Variants in F11R observed in about 807,000 individuals in gnomAD.
F11R encodes the protein F11 receptor.
Under a neutral mutation model 39.3 loss-of-function variants are expected in F11R, and 27 were observed. The observed-to-expected ratio is 0.69, with a 90% CI of 0.51 to 0.95. F11R has a LOEUF of 0.95. Ranked by LOEUF, F11R falls within the 40% of genes least tolerant of loss-of-function variation. The pLI, the probability that F11R is intolerant of heterozygous loss-of-function variation, is 0.00. For synonymous variants in F11R, 131 were observed against 144.9 expected, an observed-to-expected ratio of 0.90 and a Z score of 0.69; for missense variants, 335 against 372.7, an observed-to-expected ratio of 0.90 and a Z score of 0.83.
At chr1:161,003,936 G>A (rs1168937233) in intron 1 of F11R, among the ~76,000 whole-genome samples, 2 of 151,674 alleles carry the variant, frequency 1.3e-5, no homozygotes, top group Non-Finnish European at 2.9e-5. Flanking sequence ...GGCTAATTTT[G>A]TATTTTTAGT....
chr1:161,011,216 A>G (rs1292866312), intron 1 of F11R, among the ~76,000 whole-genome samples: 13 of 151,764 alleles, frequency 8.6e-5, no homozygotes, highest in Admixed American at 7.9e-4. Context: ...TACTTTTGAT[A>G]GACACGGGGT....
rs148690132 is a variant in F11R at position 161,009,211 on chromosome 1, T to C, written c.65-7858A>G. Among the ~76,000 whole-genome samples, 662 of 152,280 alleles carry C rather than the reference T, an allele frequency of 4.3e-3. 4 individuals carry two copies. Among genetic ancestry groups the C allele is most frequent in the African/African-American group, 0.015 (634 of 41,558 alleles). ...CCTCCCACATGCCCAGTCCTCACCA[T>C]AGCCTCACCTAAGCCTCTTTCCTAG... On this transcript the variant is annotated intron_variant, in intron 1 of 9. Coordinates refer to ENST00000368026, the MANE Select transcript of F11R (RefSeq NM_016946.6).
intron 1 of F11R, among the ~76,000 whole-genome samples, chr1:161,004,283 G>C (rs1459787181): frequency 1.3e-5 from 2 of 152,090 alleles, no homozygotes; most frequent in Non-Finnish European, 2.9e-5. Context: ...GTATAGGCTG[G>C]GCACGGTAGG....
In F11R at chr1:161,000,644, CT is replaced by C; in HGVS notation, c.374del (p.Lys125SerfsTer27). On this transcript the variant is annotated frameshift_variant, in exon 4 of 10. Coordinates refer to ENST00000368026, the MANE Select transcript of F11R (RefSeq NM_016946.6). LOFTEE classifies it high-confidence loss of function. ...TGGGGCACGTACCAAGCACGATGAG[CT>C]TGACCTTGACCTCCCCATAGCTGTT... is the stretch of plus-strand genomic sequence containing the variant. ...GGNSYGEVKVKLIVLVPPSKP... is the reference protein window; with the variant it reads ...GGNSYGEVKVXLIVLVPPSKP... The C allele has an allele frequency of 1.2e-6, 2 of 1,614,180 alleles. No homozygotes were observed. Among genetic ancestry groups the C allele is most frequent in the Non-Finnish European group, 8.5e-7 (1 of 1,180,022 alleles).
intron 1 of F11R, among the ~76,000 whole-genome samples, chr1:161,006,148 G>T (rs899027434): frequency 1.2e-4 from 18 of 147,354 alleles, no homozygotes; most frequent in African/African-American, 3.6e-4. Flanking sequence ...AAAAAAAAAA[G>T]GGGGGGGGCA....
At chr1:161,020,765 A>G (rs1309472189) in intron 1 of F11R, among the ~76,000 whole-genome samples, 4 of 152,154 alleles carry the variant, frequency 2.6e-5, no homozygotes, top group Admixed American at 2.0e-4. Context: ...CAGATGGGTC[A>G]GCTCCCTCCT....
chr1:160,999,792 C>A (rs201801022), intron 6 of F11R, 45 bp from the exon 7 acceptor site: 2 of 1,606,678 alleles, frequency 1.2e-6, no homozygotes, highest in African/African-American at 2.7e-5. Flanking sequence ...TACTCACTCA[C>A]GGCACCTACA....
At chr1:161,007,001 T>G (rs1018734770) in intron 1 of F11R, among the ~76,000 whole-genome samples, 1 of 151,850 alleles carries the variant, frequency 6.6e-6, no homozygotes, top group Non-Finnish European at 1.5e-5. Context: ...CCGTCTCTAC[T>G]AAAAAATATA....
chr1:161,013,972 G>T (rs749417226), intron 1 of F11R, among the ~76,000 whole-genome samples: 1 of 152,170 alleles, frequency 6.6e-6, no homozygotes, highest in East Asian at 1.9e-4. Context: ...AACAAATGAC[G>T]CAGCCGGACT....
At chr1:161,017,297 G>T (rs1649518649) in intron 1 of F11R, among the ~76,000 whole-genome samples, 1 of 152,132 alleles carries the variant, frequency 6.6e-6, no homozygotes, top group South Asian at 2.1e-4. Context: ...AGGAAGGCAT[G>T]CCTCTTGCAG....
At chr1:161,012,356 C>T (rs936601314) in intron 1 of F11R, among the ~76,000 whole-genome samples, 21 of 152,126 alleles carry the variant, frequency 1.4e-4, no homozygotes, top group Non-Finnish European at 2.6e-4. Context: ...GGCTTATAAT[C>T]GCAGCATTTT....
chr1:161,003,903 T>G (rs2990706), intron 1 of F11R, among the ~76,000 whole-genome samples: 123,913 of 151,794 alleles, frequency 0.82, 50,819 homozygotes, highest in African/African-American at 0.88. Flanking sequence ...TAGCTAGGAT[T>G]ACAGGCAGGC....
intron 1 of F11R, among the ~76,000 whole-genome samples, chr1:161,015,217 A>G (rs1239506567): frequency 6.6e-6 from 1 of 151,136 alleles, no homozygotes; most frequent in Non-Finnish European, 1.5e-5. Flanking sequence ...TAACACGGTG[A>G]AACCCCGTCT....
rs923804265 is a variant in F11R at position 161,000,886 on chromosome 1, G to A, written c.242-109C>T. The stretch of plus-strand genomic sequence containing the variant: ...AGTGCTCTCCTCTTCCCCCAGAAAG[G>A]GGGGTAGGAAGGCCATGAGGACTTC... On this transcript the variant is annotated intron_variant, in intron 3 of 9. Coordinates refer to ENST00000368026, the MANE Select transcript of F11R (RefSeq NM_016946.6). 13 of 1,513,624 alleles carry A rather than the reference G, an allele frequency of 8.6e-6. No homozygotes were observed. The African/African-American group carries it at 1.2e-4, about 14-fold the overall frequency. The allele number at this position is 1,513,624 out of a possible 1,614,324, so 93.8% of individuals were successfully genotyped here.
At chr1:161,016,026 C>T (rs539885311) in intron 1 of F11R, among the ~76,000 whole-genome samples, 20 of 152,160 alleles carry the variant, frequency 1.3e-4, no homozygotes, top group Middle Eastern at 3.4e-3. Flanking sequence ...AACTGAAGAG[C>T]AACATGGTGA....
At chr1:161,008,123 A>C (rs552996604) in intron 1 of F11R, among the ~76,000 whole-genome samples, 24 of 152,244 alleles carry the variant, frequency 1.6e-4, no homozygotes, top group Middle Eastern at 3.4e-3. Context: ...ATTTTCTCTA[A>C]GTTCACAACA....
At position 161,000,173 on chromosome 1, in the gene F11R, A is replaced by T; in HGVS notation, c.564T>A (p.Tyr188Ter). The change falls in exon 5 of 10, where the codon TAT becomes TAA. Residue 188 changes from tyrosine to a stop codon, truncating the protein, a stop_gained. Coordinates refer to ENST00000368026, the MANE Select transcript of F11R (RefSeq NM_016946.6). LOFTEE classifies it high-confidence loss of function. ...GCTCTCCTGTTGTGGGATTCAGGAC[A>T]TAGGAAGAGTTGCTGAAGGCACGGG... ...KSTRAFSNSS[Y>*]VLNPTTGELV... 4 of 1,614,158 alleles carry T rather than the reference A, an allele frequency of 2.5e-6. No homozygotes were observed. The highest frequency in any genetic ancestry group is 3.4e-6 in the Non-Finnish European group (4 of 1,180,038).
Position 160,999,972 on chromosome 1 carries a change from C to A in F11R, c.598G>T (p.Asp200Tyr), listed in dbSNP as rs1648371451. Reference protein sequence around the residue: ...LNPTTGELVFDPLSASDTGEY... With the variant: ...LNPTTGELVFYPLSASDTGEY... ...CCAGTATCAGAGGCTGACAGGGGATCAAAGACCTGAGGAAGGAAAACAAAT... is the reference window on the plus strand; with the variant it reads ...CCAGTATCAGAGGCTGACAGGGGATAAAAGACCTGAGGAAGGAAAACAAAT... The change falls in exon 6 of 10, where the codon GAT becomes TAT. Residue 200 changes from aspartate (D) to tyrosine (Y), a missense_variant. Asp to Tyr is a radical substitution (Grantham distance 160). Coordinates refer to ENST00000368026, the MANE Select transcript of F11R (RefSeq NM_016946.6). The A allele has an allele frequency of 6.2e-7, 1 of 1,614,080 alleles. No homozygotes were observed. Among genetic ancestry groups the A allele is most frequent in the East Asian group, 2.2e-5 (1 of 44,888 alleles).
At chr1:161,010,280 C>T (rs1256400582) in intron 1 of F11R, among the ~76,000 whole-genome samples, 1 of 151,740 alleles carries the variant, frequency 6.6e-6, no homozygotes, top group Non-Finnish European at 1.5e-5. Context: ...CCCGTCTCTA[C>T]TAAAAATACA....
Sources: gnomAD v4.1 joint callset for allele counts (sites outside exome capture counted in the v4.1 genomes callset) on GRCh38, gnomAD v4.1.1 for gene constraint, MANE v1.5 for transcripts, NCBI Gene and HGNC (gene_info 2026-07-23, HGNC 2026-07-21) for gene names.